Variants in ZW10 observed in about 807,000 individuals in gnomAD.
ZW10 encodes the protein centromere/kinetochore protein zw10 homolog.
Under a neutral mutation model 87.8 loss-of-function variants are expected in ZW10, and 53 were observed. That is an observed-to-expected ratio of 0.60 (90% CI 0.48 to 0.76). The LOEUF (loss-of-function observed/expected upper bound fraction) is 0.76. Ranked by LOEUF, ZW10 falls within the 30% of genes least tolerant of loss-of-function variation. The pLI, the probability that ZW10 is intolerant of heterozygous loss-of-function variation, is 0.00. For synonymous variants in ZW10, 312 were observed against 329.2 expected (o/e 0.95, Z 0.57); for missense variants, 837 against 923.0 (o/e 0.91, Z 1.21).
At position 113,733,541 on chromosome 11, in the gene ZW10, G is replaced by C; in HGVS notation, c.*153C>G. 1.1e-6 allele frequency: 1 copy of C among 938,052 alleles called. No homozygotes were observed. The highest frequency in any genetic ancestry group is 1.5e-5 in the South Asian group (1 of 64,850). The allele number at this position is 938,052 out of a possible 1,614,324, so 58.1% of individuals were successfully genotyped here. On this transcript the variant is annotated 3_prime_UTR_variant, in exon 16 of 16. Coordinates refer to ENST00000200135, the MANE Select transcript of ZW10 (RefSeq NM_004724.4). ...AGTTCTTAAACAAAGCCTCGTACAG[G>C]CCAGGAGGTAAGACGTTCTTCTGTA...
chr11:113,761,518 C>G (rs959571184), intron 2 of ZW10, among the ~76,000 whole-genome samples: 1 of 152,194 alleles, frequency 6.6e-6, no homozygotes, highest in Non-Finnish European at 1.5e-5. Flanking sequence ...TGGACTCAAG[C>G]GATCTGCCCA....
At chr11:113,771,515 A>C (rs1953968128) in intron 1 of ZW10, 1 of 152,174 alleles carries the variant, frequency 6.6e-6, no homozygotes, top group South Asian at 2.1e-4. Flanking sequence ...CCATATCTTC[A>C]GTGAAATCTT....
At chr11:113,752,719 C>T (rs986516233) in intron 7 of ZW10, among the ~76,000 whole-genome samples, 1 of 152,172 alleles carries the variant, frequency 6.6e-6, no homozygotes, top group Non-Finnish European at 1.5e-5. Flanking sequence ...CCTCATACCC[C>T]GACCCTTTCC....
chr11:113,735,807 T>C (rs200871949), intron 15 of ZW10, among the ~76,000 whole-genome samples: 2 of 130,194 alleles, frequency 1.5e-5, no homozygotes, highest in Non-Finnish European at 3.7e-5. Flanking sequence ...CATCATCCAC[T>C]ACGTTTGAGA....
At position 113,736,692 on chromosome 11, in the gene ZW10, T is replaced by A. The variant is rs186163291; in HGVS notation, c.2147A>T (p.Tyr716Phe). The change falls in exon 15 of 16, where the codon TAT (tyrosine) becomes TTT (phenylalanine). Residue 716 changes from tyrosine to phenylalanine, a missense_variant. Physicochemically the swap from Tyr to Phe is conservative, Grantham distance 22. Transcript: ENST00000200135. Reference protein sequence around the residue: ...NKKYQEEVPVYVPKWMPFKEL... With the variant: ...NKKYQEEVPVFVPKWMPFKEL... ...CTTGAATGGCATCCATTTTGGCACA[T>A]AGACTGGAACCTCTTCTTGATATTT... 18 of 1,614,106 alleles carry A rather than the reference T, an allele frequency of 1.1e-5. No homozygotes were observed. Among genetic ancestry groups the A allele is most frequent in the Non-Finnish European group, 1.5e-5 (18 of 1,180,046 alleles).
At chr11:113,749,974 GTGTT>G (rs1953718115) in intron 7 of ZW10, among the ~76,000 whole-genome samples, 1 of 152,158 alleles carries the variant, frequency 6.6e-6, no homozygotes, top group Admixed American at 6.5e-5. Flanking sequence ...ACATTGTAAT[GTGTT>G]TATTTGAATA....
At chr11:113,758,382 A>C (rs1311734170) in intron 6 of ZW10, among the ~76,000 whole-genome samples, 172 bp downstream of exon 6, 1 of 150,436 alleles carries the variant, frequency 6.6e-6, no homozygotes, top group South Asian at 2.1e-4. Flanking sequence ...AAAAAAAAAA[A>C]CCCAATCCCT....
intron 13 of ZW10, 35 bp downstream of exon 13, chr11:113,738,229 G>T: frequency 6.4e-7 from 1 of 1,554,366 alleles, no homozygotes; most frequent in South Asian, 1.2e-5. Context: ...TCTAAGGATA[G>T]AATACAAATT....
rs752981812 is a variant in ZW10, at chr11:113,733,672, T to C, written c.*22A>G. ...GGGAAGAATCCACATATTCAAGACATAGCTTTCTTAAGAAGATGGAGCTAT... is the reference window on the plus strand; with the variant it reads ...GGGAAGAATCCACATATTCAAGACACAGCTTTCTTAAGAAGATGGAGCTAT... On this transcript the variant is annotated 3_prime_UTR_variant, in exon 16 of 16. Coordinates refer to ENST00000200135, the MANE Select transcript of ZW10 (RefSeq NM_004724.4). 5 of 1,613,654 alleles carry C rather than the reference T, an allele frequency of 3.1e-6. No homozygotes were observed. Among genetic ancestry groups the C allele is most frequent in the Non-Finnish European group, 3.4e-6 (4 of 1,179,946 alleles).
chr11:113,739,106 TCAGGAC>T, intron 12 of ZW10, 101 bp downstream of exon 12: 1 of 1,287,714 alleles, frequency 7.8e-7, no homozygotes, highest in Non-Finnish European at 1.1e-6. Flanking sequence ...CTGATACAGC[TCAGGAC>T]CACCACCTAA....
intron 7 of ZW10, chr11:113,751,209 G>C (rs1340221440): frequency 7.1e-6 from 2 of 283,598 alleles, no homozygotes; most frequent in Non-Finnish European, 1.5e-5. Flanking sequence ...GACCATGCTG[G>C]CTTGAGCAGA....
At chr11:113,735,166 C>A (rs1009771704) in intron 15 of ZW10, among the ~76,000 whole-genome samples, 1 of 152,026 alleles carries the variant, frequency 6.6e-6, no homozygotes, top group African/African-American at 2.4e-5. Flanking sequence ...ACAACTTTAG[C>A]CTTATATTTA....
At chr11:113,740,080 T>C (rs1953599191) in intron 11 of ZW10, among the ~76,000 whole-genome samples, 1 of 152,156 alleles carries the variant, frequency 6.6e-6, no homozygotes, top group Non-Finnish European at 1.5e-5. Flanking sequence ...GTTTCTAGTT[T>C]GCTAACTCAA....
intron 9 of ZW10, 130 bp from the exon 10 acceptor site, chr11:113,744,170 G>A (rs1262552321): frequency 3.3e-5 from 22 of 672,720 alleles, no homozygotes; most frequent in Middle Eastern, 4.1e-4. Context: ...GGCAGATCAC[G>A]AGGTCAGGAG....
chr11:113,753,208 G>T (rs765986203), intron 7 of ZW10, among the ~76,000 whole-genome samples: 1 of 151,908 alleles, frequency 6.6e-6, no homozygotes, highest in Non-Finnish European at 1.5e-5. Flanking sequence ...GCCCCAGTGT[G>T]TGTTGTCCCC....
At chr11:113,754,067 T>A (rs1953758878) in intron 7 of ZW10, among the ~76,000 whole-genome samples, 1 of 152,246 alleles carries the variant, frequency 6.6e-6, no homozygotes, top group Admixed American at 6.5e-5. Flanking sequence ...CATCTTGAAC[T>A]TTTATTGCTA....
At position 113,768,922 on chromosome 11, in the gene ZW10, G is replaced by A; in HGVS notation, c.151C>T (p.Pro51Ser). ...MISKKYSEFL[P>S]SMQSAQGLIT... ...AGGCCCTGCGCGCTCTGCATGCTAG[G>A]CAGGAATTCACTGTACTTCTTGCTA... The change falls in exon 2 of 16, where the codon CCT becomes TCT. Residue 51 changes from proline (P) to serine (S), a missense_variant. Pro to Ser is a moderately conservative substitution (Grantham distance 74, BLOSUM62 -1). Transcript: ENST00000200135. 1.2e-6 allele frequency: 2 copies of A among 1,614,098 alleles called. No individual in the cohort carries two copies. The highest frequency in any genetic ancestry group is 1.7e-5 in the Admixed American group (1 of 60,026).
intron 2 of ZW10, among the ~76,000 whole-genome samples, chr11:113,766,673 CAAA>C (rs34081366): frequency 1.4e-4 from 4 of 27,646 alleles, no homozygotes; most frequent in African/African-American, 2.5e-4. Flanking sequence ...GACTCCATCT[CAAA>C]AAAAAAAAAA....
At chr11:113,759,375 T>C (rs1314493523) in intron 5 of ZW10, among the ~76,000 whole-genome samples, 1 of 152,060 alleles carries the variant, frequency 6.6e-6, no homozygotes, top group African/African-American at 2.4e-5. Context: ...TCCCTTCAAA[T>C]ACCTGACACA....
Sources: allele counts gnomAD v4.1 joint callset (sites outside exome capture counted in the v4.1 genomes callset), GRCh38; gene constraint gnomAD v4.1.1; transcripts MANE v1.5; gene names NCBI Gene and HGNC (gene_info 2026-07-23, HGNC 2026-07-21).